Variants in PDE9A observed in about 807,000 individuals in gnomAD.
PDE9A encodes the protein high affinity cGMP-specific 3',5'-cyclic phosphodiesterase 9A.
PDE9A carries 60 observed loss-of-function variants against 87.4 expected under a neutral mutation model. The observed-to-expected ratio is 0.69, with a 90% CI of 0.56 to 0.85. The LOEUF is 0.85. Ranked by LOEUF, PDE9A falls within the 40% of genes least tolerant of loss-of-function variation. PDE9A has a pLI of 0.00. For missense variants in PDE9A, 665 were observed against 779.0 expected (o/e 0.85, Z 1.74); for synonymous variants, 272 against 279.4 (o/e 0.97, Z 0.27).
intron 4 of PDE9A, among the ~76,000 whole-genome samples, chr21:42,726,840 G>A (rs1283440856): frequency 6.7e-6 from 1 of 150,080 alleles, no homozygotes; most frequent in Non-Finnish European, 1.5e-5. Flanking sequence ...TTACATCTGG[G>A]TCAAAAATCA....
chr21:42,719,019 T>C (rs145149481), intron 4 of PDE9A, among the ~76,000 whole-genome samples: 2 of 151,876 alleles, frequency 1.3e-5, no homozygotes, highest in East Asian at 3.9e-4. Context: ...GTGGTTTTAG[T>C]AGGAAGCCTG....
intron 4 of PDE9A, chr21:42,701,246 A>G (rs953332552): frequency 6.6e-6 from 1 of 151,900 alleles, no homozygotes; most frequent in Non-Finnish European, 1.5e-5. Flanking sequence ...TTTCATTTCA[A>G]TTTCCGGTAG....
chr21:42,751,231 G>A, intron 9 of PDE9A, 34 bp downstream of exon 9: 1 of 1,476,442 alleles, frequency 6.8e-7, no homozygotes, highest in Non-Finnish European at 9.5e-7. Flanking sequence ...AGAAGCTGCA[G>A]CTGTGTCCCC....
intron 1 of PDE9A, among the ~76,000 whole-genome samples, chr21:42,670,047 A>G (rs1249044562): frequency 6.6e-6 from 1 of 152,188 alleles, no homozygotes; most frequent in East Asian, 1.9e-4. Flanking sequence ...ACCTTCACAC[A>G]CACACACTTA....
intron 8 of PDE9A, among the ~76,000 whole-genome samples, chr21:42,750,018 A>G (rs1009863222): frequency 3.3e-5 from 5 of 152,170 alleles, no homozygotes; most frequent in African/African-American, 1.2e-4. Flanking sequence ...TGCACCTGTA[A>G]TCCCAGCTAC....
At chr21:42,758,701 A>G (rs1420418053) in intron 10 of PDE9A, 7 of 368,406 alleles carry the variant, frequency 1.9e-5, no homozygotes, top group South Asian at 1.1e-4. Flanking sequence ...TCGCTGTCCT[A>G]AGAATTCTCC....
At chr21:42,750,484 C>T (rs1002820405) in intron 8 of PDE9A, among the ~76,000 whole-genome samples, 3 of 134,366 alleles carry the variant, frequency 2.2e-5, no homozygotes, top group Non-Finnish European at 4.9e-5. Flanking sequence ...TTTTACTTTA[C>T]TCTTGTGTTG....
intron 7 of PDE9A, among the ~76,000 whole-genome samples, chr21:42,737,339 C>A (rs1217659434): frequency 6.6e-6 from 1 of 152,262 alleles, no homozygotes; most frequent in Non-Finnish European, 1.5e-5. Context: ...TACATGCACA[C>A]GTGTAAGCAC....
chr21:42,772,375 A>G (rs764947827), intron 18 of PDE9A, 64 bp from the exon 19 acceptor site: 49 of 1,060,396 alleles, frequency 4.6e-5, no homozygotes, highest in Non-Finnish European at 6.4e-5. Context: ...CTGCTGGGAG[A>G]GAGGCAGACA....
chr21:42,654,240 G>C (rs1446639955), intron 1 of PDE9A, among the ~76,000 whole-genome samples: 1 of 152,188 alleles, frequency 6.6e-6, no homozygotes, highest in African/African-American at 2.4e-5. Context: ...CCGCGGAGGG[G>C]GCGAGCAGCC....
chr21:42,697,384 C>G (rs1239187258), intron 3 of PDE9A: 1 of 1,397,464 alleles, frequency 7.2e-7, no homozygotes, highest in Non-Finnish European at 1.0e-6. Context: ...GTGTGTATAC[C>G]CCTCCATATT....
chr21:42,697,282 T>G, intron 3 of PDE9A: 5 of 661,134 alleles, frequency 7.6e-6, no homozygotes, highest in Admixed American at 2.4e-5. Flanking sequence ...TTTTTTCACA[T>G]TATTGGTGTT....
chr21:42,772,492 G>A lies in PDE9A; in HGVS notation c.1740G>A (p.Glu580=). 6.2e-7 allele frequency: 1 copy of A among 1,609,302 alleles called. No individual in the cohort carries two copies. The highest frequency in any genetic ancestry group is 1.3e-5 in the African/African-American group (1 of 74,980). ...CTGGGGCCACCGAGAAGTCCAGAGA[G>A]AGAAGCAGAGATGTGAAAAACAGTG... The part of the protein sequence containing the change: ...LTSGATEKSR[E]RSRDVKNSEG... Residue 580 remains glutamate (E), a synonymous_variant, in exon 19 of 20, where the codon GAG becomes GAA. Transcript: ENST00000291539.
chr21:42,681,090 T>C (rs1435331548), intron 1 of PDE9A, among the ~76,000 whole-genome samples: 1 of 152,232 alleles, frequency 6.6e-6, no homozygotes, highest in Non-Finnish European at 1.5e-5. Context: ...GTGTAATTCT[T>C]TTCAAACCTG....
chr21:42,764,830 C>A (rs1167061323), intron 14 of PDE9A, among the ~76,000 whole-genome samples: 2 of 150,426 alleles, frequency 1.3e-5, no homozygotes, highest in Non-Finnish European at 2.9e-5. Flanking sequence ...TACAAGTGAT[C>A]CCCCCAAAAA....
chr21:42,773,836 G>T (rs1205781191), intron 19 of PDE9A, among the ~76,000 whole-genome samples: 1 of 149,634 alleles, frequency 6.7e-6, no homozygotes, highest in East Asian at 2.0e-4. Flanking sequence ...CGGGCGCAGT[G>T]GCTCATGCCT....
At chr21:42,671,809 C>T (rs1355101566) in intron 1 of PDE9A, among the ~76,000 whole-genome samples, 1 of 152,158 alleles carries the variant, frequency 6.6e-6, no homozygotes, top group Non-Finnish European at 1.5e-5. Context: ...TTGGAATTAT[C>T]GAGCGCTGAA....
At chr21:42,655,637 G>A (rs1000417518) in intron 1 of PDE9A, among the ~76,000 whole-genome samples, 4 of 152,120 alleles carry the variant, frequency 2.6e-5, no homozygotes, top group Admixed American at 6.5e-5. Flanking sequence ...TGGCATCCCC[G>A]TCCATAAAGA....
chr21:42,695,065 C>T lies in PDE9A; in HGVS notation c.219-3903C>T, dbSNP rs928668971. Among the ~76,000 whole-genome samples, 7 of 152,298 alleles carry T rather than the reference C, an allele frequency of 4.6e-5. No individual in the cohort carries two copies. The highest frequency in any genetic ancestry group is 2.6e-4 in the Admixed American group (4 of 15,304). ...GCCTAACCCTTCCTATGCTCCTGGA[C>T]GTTTGGTGCAATCTGGAGCACGCTC... On this transcript the variant is annotated intron_variant, in intron 3 of 19. Coordinates refer to ENST00000291539, the MANE Select transcript of PDE9A (RefSeq NM_002606.3). This position sits in a 1 kb window ranked among gnomAD's most constrained non-coding sequence, Gnocchi z 4.3.
Sources: allele counts gnomAD v4.1 joint callset (sites outside exome capture counted in the v4.1 genomes callset), GRCh38; gene constraint gnomAD v4.1.1; non-coding constraint Gnocchi (gnomAD v3.1); transcripts MANE v1.5; gene names NCBI Gene and HGNC (gene_info 2026-07-23, HGNC 2026-07-21).